Variants in VPS8 observed in about 807,000 individuals in gnomAD.
The protein encoded by VPS8 is VPS8 subunit of CORVET complex.
VPS8 carries 129 observed loss-of-function variants against 216.4 expected under a neutral mutation model. The observed-to-expected ratio is 0.60, with a 90% CI of 0.52 to 0.69. VPS8 has a LOEUF of 0.69. VPS8 is among the 30% of genes least tolerant of loss of function. The probability of loss-of-function intolerance (pLI) is 0.00; values close to 1 mark genes in which losing one functional copy is unlikely to be tolerated. For synonymous variants in VPS8, 571 were observed against 565.4 expected (o/e 1.01, Z -0.14); for missense variants, 1,531 against 1,683.5 (o/e 0.91, Z 1.59).
At chr3:185,018,544 G>T (rs1756163991) in intron 45 of VPS8, among the ~76,000 whole-genome samples, 1 of 152,172 alleles carries the variant, frequency 6.6e-6, no homozygotes, top group Non-Finnish European at 1.5e-5. Context: ...AGTTTCATCT[G>T]CCCACCAAGT....
intron 45 of VPS8, among the ~76,000 whole-genome samples, chr3:185,006,514 A>G (rs1754270036): frequency 6.6e-6 from 1 of 152,226 alleles, no homozygotes; most frequent in Non-Finnish European, 1.5e-5. Context: ...CCATATTGGC[A>G]GTCCTAATTA....
intron 1 of VPS8, among the ~76,000 whole-genome samples, chr3:184,814,373 C>T (rs1265806497): frequency 6.6e-6 from 1 of 152,158 alleles, no homozygotes; most frequent in Non-Finnish European, 1.5e-5. Flanking sequence ...AGTCATGGGA[C>T]AGTTAGGGGA....
intron 37 of VPS8, among the ~76,000 whole-genome samples, chr3:184,960,683 A>G (rs1277581903): frequency 6.6e-6 from 1 of 152,154 alleles, no homozygotes; most frequent in Non-Finnish European, 1.5e-5. Context: ...CAACATCCCA[A>G]TATTAGGTTG....
rs568262807 is a variant in VPS8, at chr3:184,954,504, A to G, written c.3036-2870A>G. ...GGAGCCTCCAGCCCTCAGTCATCTCACTAGTATGTAAGAAGATAACACTTT... is the reference window on the plus strand; with the variant it reads ...GGAGCCTCCAGCCCTCAGTCATCTCGCTAGTATGTAAGAAGATAACACTTT... On this transcript the variant is annotated intron_variant, in intron 36 of 47. Transcript: ENST00000625842. Among the ~76,000 whole-genome samples the G allele has an allele frequency of 3.3e-4, 50 of 152,238 alleles. 1 individual carries two copies. In the South Asian group the frequency reaches 0.01, roughly 32 times the overall value.
chr3:184,983,785 C>A, intron 42 of VPS8, among the ~76,000 whole-genome samples: 1 of 134,766 alleles, frequency 7.4e-6, no homozygotes, highest in Non-Finnish European at 1.6e-5. Context: ...CACCCCGCCC[C>A]CCTCCCACAC....
At chr3:184,961,562 C>A (rs1342871418) in intron 37 of VPS8, among the ~76,000 whole-genome samples, 1 of 152,104 alleles carries the variant, frequency 6.6e-6, no homozygotes, top group East Asian at 1.9e-4. Context: ...ATTCCCCCCT[C>A]TCCCCTGAGG....
chr3:184,971,294 A>G (rs547080953), intron 39 of VPS8, among the ~76,000 whole-genome samples: 2 of 152,366 alleles, frequency 1.3e-5, no homozygotes, highest in Non-Finnish European at 2.9e-5. Flanking sequence ...AAATATCTAC[A>G]TTTAAGAAAT....
intron 7 of VPS8, among the ~76,000 whole-genome samples, chr3:184,842,436 G>A (rs1722367364): frequency 6.6e-6 from 1 of 151,482 alleles, no homozygotes; most frequent in Non-Finnish European, 1.5e-5. Context: ...GGAAAAGAAA[G>A]TATGTCTAAG....
At chr3:185,049,849 G>T (rs1214513619) in intron 47 of VPS8, among the ~76,000 whole-genome samples, 1 of 151,946 alleles carries the variant, frequency 6.6e-6, no homozygotes, top group African/African-American at 2.4e-5. Flanking sequence ...GGAAAGAGTG[G>T]TGCTCCTTCT....
intron 33 of VPS8, among the ~76,000 whole-genome samples, chr3:184,930,088 G>T (rs900843282): frequency 6.6e-6 from 1 of 152,138 alleles, no homozygotes; most frequent in Non-Finnish European, 1.5e-5. Flanking sequence ...CATGTTCAAG[G>T]AGCTGAGTAG....
intron 1 of VPS8, chr3:184,824,142 TC>T (rs1249854350): frequency 2.6e-5 from 4 of 153,920 alleles, no homozygotes; most frequent in African/African-American, 9.6e-5. Context: ...TATGCTTATT[TC>T]CAGGGGAACT....
chr3:184,898,895 AAAATTT>A (rs1366733166), intron 24 of VPS8, among the ~76,000 whole-genome samples: 1 of 152,214 alleles, frequency 6.6e-6, no homozygotes, highest in African/African-American at 2.4e-5. Context: ...AACAATAGAT[AAAATTT>A]AAATTAATGC....
chr3:184,871,459 C>T (rs942336546), intron 21 of VPS8, among the ~76,000 whole-genome samples: 1 of 152,106 alleles, frequency 6.6e-6, no homozygotes, highest in East Asian at 1.9e-4. Flanking sequence ...GATCAGCAGA[C>T]TTTTTCTAAA....
chr3:184,923,748 T>C (rs1232100158), intron 29 of VPS8, among the ~76,000 whole-genome samples: 2 of 152,214 alleles, frequency 1.3e-5, no homozygotes. Flanking sequence ...ACAAATGTGT[T>C]TTTCTGTGTC....
intron 45 of VPS8, among the ~76,000 whole-genome samples, chr3:185,010,034 C>T (rs1754798926): frequency 7.4e-6 from 1 of 135,610 alleles, no homozygotes; most frequent in Admixed American, 7.4e-5. Context: ...TTAGATTGAA[C>T]AATGTCCCAG....
intron 40 of VPS8, among the ~76,000 whole-genome samples, chr3:184,973,007 AT>A (rs1272318432): frequency 1.3e-5 from 2 of 152,154 alleles, no homozygotes; most frequent in Non-Finnish European, 2.9e-5. Context: ...AGATGAGTAA[AT>A]TTCTCCTTTA....
chr3:184,856,656 TC>T (rs1725318426), intron 14 of VPS8, among the ~76,000 whole-genome samples: 1 of 152,154 alleles, frequency 6.6e-6, no homozygotes, highest in Admixed American at 6.5e-5. Context: ...CTTTTTTGTC[TC>T]CCCCATTGCT....
At chr3:185,026,384 A>G (rs529870919) in intron 46 of VPS8, among the ~76,000 whole-genome samples, 2 of 150,940 alleles carry the variant, frequency 1.3e-5, no homozygotes, top group South Asian at 4.2e-4. Context: ...TAAATTCCCC[A>G]CAGATATCGA....
intron 37 of VPS8, among the ~76,000 whole-genome samples, 178 bp from the exon 38 acceptor site, chr3:184,964,290 C>T (rs142300318): frequency 1.7e-3 from 260 of 152,094 alleles, no homozygotes; most frequent in Non-Finnish European, 2.5e-3. Flanking sequence ...AGTTAGAACT[C>T]CCAAATGATC....
Sources: gnomAD v4.1 joint callset for allele counts (sites outside exome capture counted in the v4.1 genomes callset) on GRCh38, gnomAD v4.1.1 for gene constraint, MANE v1.5 for transcripts, NCBI Gene and HGNC (gene_info 2026-07-23, HGNC 2026-07-21) for gene names.